USP43: variants seen among roughly 807,000 people sequenced by gnomAD.
USP43 encodes ubiquitin specific peptidase 43, also known as ubiquitin carboxyl-terminal hydrolase 43.
In USP43, 33 loss-of-function variants were observed where a neutral mutation model predicts 90.7. That is an observed-to-expected ratio of 0.36 (90% CI 0.28 to 0.49). USP43 has a LOEUF of 0.49. Ranked by LOEUF, USP43 falls within the 20% of genes least tolerant of loss-of-function variation. The probability of loss-of-function intolerance (pLI) is 0.98; values close to 1 mark genes in which losing one functional copy is unlikely to be tolerated. For synonymous variants in USP43, 598 were observed against 615.8 expected, an observed-to-expected ratio of 0.97 and a Z score of 0.43; for missense variants, 1,274 against 1,476.4, an observed-to-expected ratio of 0.86 and a Z score of 2.25.
intron 14 of USP43, among the ~76,000 whole-genome samples, chr17:9,715,240 C>G (rs1453770995): frequency 6.6e-6 from 1 of 152,042 alleles, no homozygotes; most frequent in African/African-American, 2.4e-5. Flanking sequence ...GTGGGAGGAT[C>G]GCGTGAGTCC....
intron 9 of USP43, 128 bp from the exon 10 acceptor site, chr17:9,700,044 T>A (rs1358033817): frequency 1.1e-6 from 1 of 880,486 alleles, no homozygotes; most frequent in Admixed American, 2.7e-5. Context: ...GACCTTGGCT[T>A]ACTGGCAGTT....
intron 1 of USP43, among the ~76,000 whole-genome samples, chr17:9,648,003 A>T (rs11654518): frequency 0.084 from 12,800 of 152,296 alleles, 553 homozygotes; most frequent in Middle Eastern, 0.13. Context: ...CCTGGGCAAC[A>T]GAGCGAGACT....
chr17:9,668,891 A>G (rs764307552), intron 3 of USP43, among the ~76,000 whole-genome samples: 12 of 152,120 alleles, frequency 7.9e-5, no homozygotes, highest in Non-Finnish European at 1.8e-4. Flanking sequence ...GCTAGAGTGC[A>G]ATGGCACGAT....
intron 2 of USP43, among the ~76,000 whole-genome samples, chr17:9,657,464 C>T (rs1912340820): frequency 6.6e-6 from 1 of 151,186 alleles, no homozygotes. Flanking sequence ...CGCACCGTTG[C>T]ACTCCAGCCT....
intron 14 of USP43, among the ~76,000 whole-genome samples, chr17:9,719,297 G>A (rs1322513885): frequency 6.6e-6 from 1 of 152,166 alleles, no homozygotes; most frequent in Admixed American, 6.5e-5. Context: ...ATCCTCCCAG[G>A]AGGAGGCGAT....
chr17:9,712,595 G>T (rs1916269897), intron 14 of USP43, among the ~76,000 whole-genome samples: 1 of 152,182 alleles, frequency 6.6e-6, no homozygotes, highest in Admixed American at 6.5e-5. Flanking sequence ...GAGCCCTCCA[G>T]GGTGAAGGCT....
At chr17:9,675,150 A>G (rs957452820) in intron 4 of USP43, among the ~76,000 whole-genome samples, 167 bp downstream of exon 4, 2 of 152,200 alleles carry the variant, frequency 1.3e-5, no homozygotes, top group African/African-American at 4.8e-5. Flanking sequence ...AAATTGACAG[A>G]GTGAAAGGTT....
At position 9,686,943 on chromosome 17, in the gene USP43, G is replaced by GTGCA; in HGVS notation, c.1353+38_1353+41dup. 1.3e-6 allele frequency: 2 copies of GTGCA among 1,576,564 alleles called. No individual in the cohort carries two copies. Among genetic ancestry groups the GTGCA allele is most frequent in the Non-Finnish European group, 1.7e-6 (2 of 1,151,042 alleles). On this transcript the variant is annotated intron_variant, in intron 8 of 14. Coordinates refer to ENST00000285199, the MANE Select transcript of USP43 (RefSeq NM_153210.5). This position sits in a 1 kb window ranked among gnomAD's most constrained non-coding sequence, Gnocchi z 5.5. ...TGTGCATGCGTGTGTGTGTGTGTGC[G>GTGCA]TGCATGCGCATGTGCATGCGTGTGT...
chr17:9,702,128 A>G (rs1278934012), intron 12 of USP43, among the ~76,000 whole-genome samples: 1 of 152,112 alleles, frequency 6.6e-6, no homozygotes, highest in Non-Finnish European at 1.5e-5. Flanking sequence ...TGGGAGGCTG[A>G]GGTGGAAGAA....
In USP43 at chr17:9,649,248, A is replaced by G. The variant is rs141469042; in HGVS notation, c.504+3112A>G. Among the ~76,000 whole-genome samples the G allele has an allele frequency of 4.5e-3, 681 of 152,254 alleles. 4 individuals are homozygous for G. The highest frequency in any genetic ancestry group is 0.015 in the African/African-American group (632 of 41,548). On this transcript the variant is annotated intron_variant, in intron 1 of 14. Coordinates refer to ENST00000285199, the MANE Select transcript of USP43 (RefSeq NM_153210.5). Reference sequence around the variant, plus strand: ...CTTGAACCTGGGAGGCGGAGGTTGCAGTGAGCCGAGATCGTGCCACTGTAC... The same window carrying G: ...CTTGAACCTGGGAGGCGGAGGTTGCGGTGAGCCGAGATCGTGCCACTGTAC...
intron 5 of USP43, among the ~76,000 whole-genome samples, chr17:9,677,727 CCTGA>C (rs1913881436): frequency 6.6e-6 from 1 of 152,152 alleles, no homozygotes; most frequent in Non-Finnish European, 1.5e-5. Flanking sequence ...TTGACACTTC[CCTGA>C]CTATCTCATG....
chr17:9,688,019 T>A (rs1425435567), intron 8 of USP43, among the ~76,000 whole-genome samples: 1 of 152,252 alleles, frequency 6.6e-6, no homozygotes, highest in African/African-American at 2.4e-5. Context: ...GGAGTCTCAC[T>A]CTGTCGCCCA....
chr17:9,700,222 T>C lies in USP43; in HGVS notation c.1508T>C (p.Val503Ala). ...GGCCCTCCACATGTCAAGCTGGCGG[T>C]GGAGTGGGATAGCTCTGTCAAGGAG... ...PGGPPHVKLA[V>A]EWDSSVKERL... Residue 503 changes from valine to alanine, a missense_variant, in exon 10 of 15, where the codon GTG becomes GCG. Around this residue, in one of 6 missense-constraint regions of USP43, gnomAD observed 253 missense variants for 276.0 expected, o/e 0.92. Coordinates refer to ENST00000285199, the MANE Select transcript of USP43 (RefSeq NM_153210.5). 2 of 1,604,726 alleles carry C rather than the reference T, an allele frequency of 1.2e-6. No individual in the cohort carries two copies. Among genetic ancestry groups the C allele is most frequent in the Non-Finnish European group, 1.7e-6 (2 of 1,175,964 alleles).
At chr17:9,688,804 C>T (rs1051084724) in intron 8 of USP43, among the ~76,000 whole-genome samples, 3 of 152,046 alleles carry the variant, frequency 2.0e-5, no homozygotes, top group Admixed American at 1.3e-4. Flanking sequence ...CTCCTGCCTC[C>T]GCCTCCTGAG....
chr17:9,724,259 G>C (rs146839990), intron 14 of USP43, among the ~76,000 whole-genome samples: 1 of 152,084 alleles, frequency 6.6e-6, no homozygotes, highest in Non-Finnish European at 1.5e-5. Flanking sequence ...TCAACTCATC[G>C]GTGTAGCTTT....
intron 9 of USP43, 85 bp from the exon 10 acceptor site, chr17:9,700,087 G>C (rs1441390803): frequency 6.2e-6 from 8 of 1,288,682 alleles, no homozygotes; most frequent in Non-Finnish European, 5.4e-6. Flanking sequence ...TCAGTCCTTG[G>C]GTTGTGGGGG....
At chr17:9,691,320 G>GAGATCAGC (rs144290576) in intron 8 of USP43, among the ~76,000 whole-genome samples, 6,501 of 151,896 alleles carry the variant, frequency 0.043, 445 homozygotes, top group African/African-American at 0.15. Flanking sequence ...GCTTCTCCAT[G>GAGATCAGC]TTGGTCAGGC....
rs181116974 is a variant in USP43, at chr17:9,701,997, C to A, written c.2011+297C>A. 6.6e-6 allele frequency among the ~76,000 whole-genome samples: 1 copy of A among 152,148 alleles called. No individual in the cohort carries two copies. Among genetic ancestry groups the A allele is most frequent in the African/African-American group, 2.4e-5 (1 of 41,428 alleles). On this transcript the variant is annotated intron_variant, in intron 12 of 14. Transcript: ENST00000285199. The surrounding 1 kb of genome is among the most constrained non-coding windows in gnomAD (Gnocchi z 7.2). ...GGCACGGTAGTGTGGCTGTCTCGCA[C>A]CATGTGCGAGAGCAGAAGGGACCTT...
intron 8 of USP43, among the ~76,000 whole-genome samples, chr17:9,691,417 T>C (rs1914950276): frequency 6.6e-6 from 1 of 152,104 alleles, no homozygotes; most frequent in Non-Finnish European, 1.5e-5. Context: ...CGCGCTGGGC[T>C]GCCTTCATTT....
Sources: gnomAD v4.1 joint callset for allele counts (sites outside exome capture counted in the v4.1 genomes callset) on GRCh38, gnomAD v4.1.1 for gene constraint, gnomAD v4.1.1 regional missense constraint, Gnocchi (gnomAD v3.1) non-coding constraint, MANE v1.5 for transcripts, NCBI Gene and HGNC (gene_info 2026-07-23, HGNC 2026-07-21) for gene names.